DMD: variants seen among roughly 807,000 people sequenced by gnomAD.
The protein encoded by DMD is dystrophin.
A neutral mutation model predicts 330.1 loss-of-function variants in DMD; 63 were observed. That is an observed-to-expected ratio of 0.19 (90% CI 0.16 to 0.24). The LOEUF is 0.24. Ranked by LOEUF, DMD falls within the 10% of genes least tolerant of loss-of-function variation. The pLI is 1.00. For missense variants in DMD, 3,344 were observed against 2,684.1 expected, an observed-to-expected ratio of 1.25 and a Z score of -5.43; for synonymous variants, 1,223 against 959.8, an observed-to-expected ratio of 1.27 and a Z score of -5.07.
chrX:33,257,097 C>G (rs1291037998), intron 1 of DMD, among the ~76,000 whole-genome samples: 1 of 110,115 alleles, frequency 9.1e-6, no homozygotes, highest in Non-Finnish European at 1.9e-5. Flanking sequence ...TTCTGGAGAC[C>G]GAGAAGGGAA....
In DMD at chrX:32,521,388, C is replaced by T. The variant is rs144919754; in HGVS notation, c.2169-3257G>A. Among the ~76,000 whole-genome samples the T allele has an allele frequency of 8.1e-3, 905 of 111,622 alleles. 1 individual carries two copies. The highest frequency in any genetic ancestry group is 0.028 in the South Asian group (74 of 2,652). On this transcript the variant is annotated intron_variant, in intron 17 of 78. Coordinates refer to ENST00000357033, the MANE Select transcript of DMD (RefSeq NM_004006.3). ...CATGATGCCACTCTATTCTAATTTG[C>T]CTTCTATTTCTATGACCATTGGTAA...
intron 68 of DMD, among the ~76,000 whole-genome samples, chrX:31,182,221 A>G (rs187754263): frequency 2.0e-3 from 221 of 112,049 alleles, no homozygotes; most frequent in Admixed American, 5.2e-3. Flanking sequence ...ACAGATAAAG[A>G]AGCAAGTTCT....
At chrX:32,742,513 T>G (rs1307436762) in intron 7 of DMD, among the ~76,000 whole-genome samples, 1 of 111,082 alleles carries the variant, frequency 9.0e-6, no homozygotes, top group African/African-American at 3.3e-5. Context: ...GAGTTAATAG[T>G]GTAAGTTTAA....
intron 1 of DMD, among the ~76,000 whole-genome samples, chrX:33,242,940 G>C (rs984062090): frequency 9.0e-6 from 1 of 111,603 alleles, no homozygotes; most frequent in Non-Finnish European, 1.9e-5. Flanking sequence ...TTTTTGATGG[G>C]ATTGTTTGTT....
At chrX:32,372,071 C>T (rs758023360) in intron 34 of DMD, among the ~76,000 whole-genome samples, 79 of 111,208 alleles carry the variant, frequency 7.1e-4, no homozygotes, top group African/African-American at 2.4e-3. Flanking sequence ...TACAGTTTTG[C>T]TATGTACCAG....
At chrX:31,307,310 A>G (rs2055115621) in intron 62 of DMD, among the ~76,000 whole-genome samples, 1 of 111,998 alleles carries the variant, frequency 8.9e-6, no homozygotes, top group Admixed American at 9.5e-5. Flanking sequence ...CTCTGAATCT[A>G]CCAGTCAGTA....
intron 59 of DMD, among the ~76,000 whole-genome samples, chrX:31,470,252 G>A (rs1426563085): frequency 9.0e-6 from 1 of 111,431 alleles, no homozygotes; most frequent in Non-Finnish European, 1.9e-5. Flanking sequence ...GAGAAGAGGC[G>A]TTCCGGTTTT....
chrX:32,693,771 A>G (rs1221691585), intron 9 of DMD, among the ~76,000 whole-genome samples: 2 of 111,736 alleles, frequency 1.8e-5, no homozygotes, highest in African/African-American at 3.3e-5. Context: ...AAGTGTTACA[A>G]TGAGGGTAGC....
intron 1 of DMD, among the ~76,000 whole-genome samples, chrX:33,168,289 A>G (rs1483277202): frequency 9.0e-6 from 1 of 110,873 alleles, no homozygotes; most frequent in Non-Finnish European, 1.9e-5. Context: ...AAATAACTTT[A>G]TTTACTATAT....
chrX:32,665,254 T>C (rs148389115), intron 9 of DMD, among the ~76,000 whole-genome samples: 1,164 of 111,767 alleles, frequency 0.01, 23 homozygotes, highest in African/African-American at 0.036. Context: ...AGAAGTGTAG[T>C]GTACCGAGAA....
intron 1 of DMD, among the ~76,000 whole-genome samples, chrX:33,104,278 T>C (rs1376780289): frequency 1.8e-5 from 2 of 111,746 alleles, no homozygotes; most frequent in Non-Finnish European, 3.8e-5. Flanking sequence ...TGTGTTTCTT[T>C]TGAATAAAGA....
At chrX:32,264,993 T>G (rs997750943) in intron 43 of DMD, among the ~76,000 whole-genome samples, 4 of 112,377 alleles carry the variant, frequency 3.6e-5, no homozygotes, top group African/African-American at 1.3e-4. Context: ...AAAAACTCAT[T>G]TTCTGAGGAG....
chrX:32,177,511 C>A (rs183516269), intron 44 of DMD, among the ~76,000 whole-genome samples: 2 of 111,906 alleles, frequency 1.8e-5, no homozygotes, highest in East Asian at 5.6e-4. Flanking sequence ...ACCACCTTCA[C>A]GGTAGTTTTG....
At chrX:32,693,960 T>C (rs980164106) in intron 9 of DMD, among the ~76,000 whole-genome samples, 10 of 111,993 alleles carry the variant, frequency 8.9e-5, no homozygotes, top group Non-Finnish European at 1.3e-4. Context: ...AATTCCACTG[T>C]AGTAACTGCT....
chrX:32,545,953 A>G (rs1368495755), intron 16 of DMD, among the ~76,000 whole-genome samples: 1 of 109,685 alleles, frequency 9.1e-6, no homozygotes, highest in Non-Finnish European at 1.9e-5. Flanking sequence ...GCTAAAAAAC[A>G]CACTACTCTT....
At chrX:31,783,291 C>T (rs1206346558) in intron 50 of DMD, among the ~76,000 whole-genome samples, 1 of 111,830 alleles carries the variant, frequency 8.9e-6, no homozygotes, top group African/African-American at 3.2e-5. Context: ...ATGTTAGAGA[C>T]AAGACTCTGC....
intron 74 of DMD, among the ~76,000 whole-genome samples, chrX:31,157,723 T>G (rs1295050307): frequency 3.6e-5 from 4 of 111,102 alleles, no homozygotes; most frequent in Non-Finnish European, 7.5e-5. Flanking sequence ...TTTCACTCCC[T>G]GGCATGCACT....
At chrX:32,740,267 ATTCTT>A (rs904992071) in intron 7 of DMD, among the ~76,000 whole-genome samples, 2 of 110,374 alleles carry the variant, frequency 1.8e-5, no homozygotes, top group Non-Finnish European at 3.8e-5. Flanking sequence ...AGAAAATTCT[ATTCTT>A]TTGAGTCGCT....
intron 49 of DMD, among the ~76,000 whole-genome samples, chrX:31,833,176 A>G (rs189566216): frequency 6.5e-4 from 72 of 110,321 alleles, no homozygotes; most frequent in African/African-American, 2.1e-3. Context: ...AACAATTTAT[A>G]TAACTCATAT....
Sources: gnomAD v4.1 joint callset for allele counts (sites outside exome capture counted in the v4.1 genomes callset) on GRCh38, gnomAD v4.1.1 for gene constraint, MANE v1.5 for transcripts, NCBI Gene and HGNC (gene_info 2026-07-23, HGNC 2026-07-21) for gene names.